ULK4: variants seen among roughly 807,000 people sequenced by gnomAD.
ULK4 encodes the protein inactive serine/threonine-protein kinase ULK4.
ULK4 carries 133 observed loss-of-function variants against 160.6 expected under a neutral mutation model. The observed-to-expected ratio is 0.83, with a 90% CI of 0.72 to 0.96. The LOEUF is 0.96. Among genes scored for constraint, ULK4 ranks in the 40% least tolerant of loss-of-function variants. The probability of loss-of-function intolerance (pLI) is 0.00; values close to 1 mark genes in which losing one functional copy is unlikely to be tolerated. For synonymous variants in ULK4, 534 were observed against 539.8 expected, an observed-to-expected ratio of 0.99 and a Z score of 0.15; for missense variants, 1,580 against 1,499.5, an observed-to-expected ratio of 1.05 and a Z score of -0.89.
At chr3:41,873,999 A>C (rs1369252716) in intron 17 of ULK4, among the ~76,000 whole-genome samples, 1 of 152,014 alleles carries the variant, frequency 6.6e-6, no homozygotes, top group African/African-American at 2.4e-5. Context: ...ACAAAATCAT[A>C]ATAAATGCTA....
At chr3:41,425,607 A>G (rs1330189458) in intron 34 of ULK4, among the ~76,000 whole-genome samples, 1 of 152,150 alleles carries the variant, frequency 6.6e-6, no homozygotes, top group African/African-American at 2.4e-5. Context: ...AGCAGAAGAG[A>G]CTGGGGGCCA....
intron 18 of ULK4, among the ~76,000 whole-genome samples, chr3:41,827,292 C>A (rs887890985): frequency 7.9e-5 from 12 of 151,136 alleles, no homozygotes; most frequent in African/African-American, 2.7e-4. Flanking sequence ...TAGCAGAAGG[C>A]AAGAAATAAC....
intron 27 of ULK4, among the ~76,000 whole-genome samples, chr3:41,689,707 C>G (rs1209915460): frequency 6.6e-6 from 1 of 152,178 alleles, no homozygotes; most frequent in African/African-American, 2.4e-5. Context: ...CCATCACTGG[C>G]TATCAGAGAA....
At chr3:41,787,448 G>A (rs1231430913) in intron 21 of ULK4, among the ~76,000 whole-genome samples, 1 of 152,102 alleles carries the variant, frequency 6.6e-6, no homozygotes, top group Non-Finnish European at 1.5e-5. Flanking sequence ...TCTACCTCCT[G>A]AGGTGGCAAA....
At chr3:41,626,879 T>C (rs2033540651) in intron 30 of ULK4, among the ~76,000 whole-genome samples, 1 of 152,158 alleles carries the variant, frequency 6.6e-6, no homozygotes, top group African/African-American at 2.4e-5. Context: ...TGGAATATGG[T>C]GGCCTTGGTC....
intron 29 of ULK4, among the ~76,000 whole-genome samples, chr3:41,672,496 T>C (rs563786626): frequency 3.3e-5 from 5 of 152,220 alleles, no homozygotes; most frequent in African/African-American, 1.2e-4. Context: ...CCAAAAAAGT[T>C]TCTCTCACAT....
rs953438300 is a variant in ULK4, at chr3:41,464,520, T to C, written c.3227-1267A>G. Among the ~76,000 whole-genome samples, 8 of 152,198 alleles carry C rather than the reference T, an allele frequency of 5.3e-5. No individual in the cohort carries two copies. In the South Asian group the frequency reaches 1.4e-3, roughly 28 times the overall value. ...GATAACCCATATCATCAATGATACA[T>C]AGTGCAGAAAAGCAATTATTACAGC... On this transcript the variant is annotated intron_variant, in intron 32 of 36. Coordinates refer to ENST00000301831, the MANE Select transcript of ULK4 (RefSeq NM_017886.4).
chr3:41,564,165 C>G (rs1057178997), intron 32 of ULK4, among the ~76,000 whole-genome samples: 1 of 152,130 alleles, frequency 6.6e-6, no homozygotes, highest in African/African-American at 2.4e-5. Context: ...CACTCCAGAC[C>G]CTGTTTGCCT....
intron 34 of ULK4, among the ~76,000 whole-genome samples, chr3:41,409,426 A>G (rs1269087758): frequency 6.6e-6 from 1 of 152,250 alleles, no homozygotes; most frequent in Admixed American, 6.5e-5. Flanking sequence ...TATAAAGGAT[A>G]TAACCAAGAA....
rs2038624526 is a variant in ULK4, at chr3:41,751,458, C to G, written c.2321+2903G>C. 2.0e-5 allele frequency among the ~76,000 whole-genome samples: 3 copies of G among 152,218 alleles called. No individual in the cohort carries two copies. The South Asian group carries it at 6.2e-4, about 32-fold the overall frequency. On this transcript the variant is annotated intron_variant, in intron 22 of 36. Transcript: ENST00000301831. ...AAAAATGGAGCCTACCTTACCTCCC[C>G]TGCAAGCCTAAGGTCACTTTCCAGA...
In ULK4 at chr3:41,374,220, C is replaced by T. The variant is rs147921979; in HGVS notation, c.3678+23859G>A. Reference sequence around the variant, plus strand: ...TTCTACCAGAGGTGCAAAGAGGAGCCGGTACCTTTCCTTCTTAAACTATTC... The same window carrying T: ...TTCTACCAGAGGTGCAAAGAGGAGCTGGTACCTTTCCTTCTTAAACTATTC... On this transcript the variant is annotated intron_variant, in intron 35 of 36. Coordinates refer to ENST00000301831, the MANE Select transcript of ULK4 (RefSeq NM_017886.4). Among the ~76,000 whole-genome samples, 371 of 152,150 alleles carry T rather than the reference C, an allele frequency of 2.4e-3. 2 individuals are homozygous for T. The highest frequency in any genetic ancestry group is 8.7e-3 in the African/African-American group (361 of 41,536).
intron 2 of ULK4, among the ~76,000 whole-genome samples, chr3:41,953,869 C>T (rs917379325): frequency 6.6e-6 from 1 of 152,004 alleles, no homozygotes; most frequent in Non-Finnish European, 1.5e-5. Flanking sequence ...GCAACATAGC[C>T]AAACCCCGAC....
chr3:41,663,888 A>G (rs1402957133), intron 29 of ULK4, among the ~76,000 whole-genome samples, 189 bp from the exon 30 acceptor site: 1 of 152,238 alleles, frequency 6.6e-6, no homozygotes, highest in Non-Finnish European at 1.5e-5. Context: ...CTCTATTGAA[A>G]TAAGAGAATA....
chr3:41,331,168 T>C (rs1405845070), intron 35 of ULK4, among the ~76,000 whole-genome samples: 1 of 152,086 alleles, frequency 6.6e-6, no homozygotes, highest in Non-Finnish European at 1.5e-5. Flanking sequence ...AAGTATTCAT[T>C]AGGGTTCAAG....
intron 2 of ULK4, among the ~76,000 whole-genome samples, chr3:41,940,330 C>G (rs950917613): frequency 6.6e-6 from 1 of 152,138 alleles, no homozygotes; most frequent in Non-Finnish European, 1.5e-5. Context: ...GAGCTCCCAC[C>G]TCCTTGGCTG....
rs577422416 is a variant in ULK4, at chr3:41,803,990, G to A, written c.1849-3697C>T. 7.9e-5 allele frequency among the ~76,000 whole-genome samples: 12 copies of A among 152,102 alleles called. No homozygotes were observed. In the South Asian group the frequency reaches 1.0e-3, roughly 13 times the overall value. On this transcript the variant is annotated intron_variant, in intron 19 of 36. Transcript: ENST00000301831. ...TAGCAGCATGATTTATAGTCCTTTG[G>A]GTATATACCCAGTAATGGGATGGCT...
intron 4 of ULK4, among the ~76,000 whole-genome samples, chr3:41,932,440 A>T (rs1699634179): frequency 6.6e-6 from 1 of 152,238 alleles, no homozygotes; most frequent in Non-Finnish European, 1.5e-5. Flanking sequence ...CAGGTCCACC[A>T]TTTACTTGCT....
At chr3:41,838,810 C>T (rs1575803507) in intron 17 of ULK4, among the ~76,000 whole-genome samples, 1 of 152,082 alleles carries the variant, frequency 6.6e-6, no homozygotes, top group Admixed American at 6.6e-5. Context: ...TTCAACACCC[C>T]CCTCTCATGC....
At chr3:41,590,720 C>T (rs185025182) in intron 31 of ULK4, among the ~76,000 whole-genome samples, 97 of 149,314 alleles carry the variant, frequency 6.5e-4, no homozygotes, top group African/African-American at 2.3e-3. Flanking sequence ...ACACAACAGA[C>T]AAAAAGGCCA....
Sources: gnomAD v4.1 joint callset for allele counts (sites outside exome capture counted in the v4.1 genomes callset) on GRCh38, gnomAD v4.1.1 for gene constraint, MANE v1.5 for transcripts, NCBI Gene and HGNC (gene_info 2026-07-23, HGNC 2026-07-21) for gene names.